The following KLHDC4 variants were observed in gnomAD, a reference collection of about 807,000 sequenced individuals.
The protein encoded by KLHDC4 is kelch domain-containing protein 4.
KLHDC4 carries 90 observed loss-of-function variants against 62.4 expected under a neutral mutation model. The ratio of observed to expected loss-of-function variants is 1.44; its 90% CI spans 1.22 to 1.72. KLHDC4 has a LOEUF of 1.72. Ranked by LOEUF, KLHDC4 falls within the 40% of genes most tolerant of loss-of-function variation. The probability of loss-of-function intolerance (pLI) is 0.00; values close to 1 mark genes in which losing one functional copy is unlikely to be tolerated. For missense variants in KLHDC4, 1,025 were observed against 699.7 expected (o/e 1.47, Z -5.25); for synonymous variants, 386 against 284.4 (o/e 1.36, Z -3.59).
intron 7 of KLHDC4, among the ~76,000 whole-genome samples, chr16:87,723,254 A>C (rs909138973): frequency 2.6e-5 from 4 of 152,224 alleles, no homozygotes; most frequent in Non-Finnish European, 5.9e-5. Context: ...AATTCTGATA[A>C]ATCTCTCATG....
intron 5 of KLHDC4, among the ~76,000 whole-genome samples, chr16:87,737,465 G>A (rs79495687): frequency 0.036 from 5,493 of 152,132 alleles, 332 homozygotes; most frequent in African/African-American, 0.13. Flanking sequence ...GTGCGCACCT[G>A]TAATCCCAGC....
intron 2 of KLHDC4, among the ~76,000 whole-genome samples, chr16:87,757,704 A>T (rs932762746): frequency 1.3e-4 from 20 of 151,792 alleles, no homozygotes; most frequent in Admixed American, 1.3e-4. Flanking sequence ...AGCCTGGCAA[A>T]CACGGTGAAA....
At chr16:87,755,158 A>C (rs376746350) in intron 4 of KLHDC4, 36 bp downstream of exon 4, 14 of 1,382,962 alleles carry the variant, frequency 1.0e-5, no homozygotes, top group African/African-American at 2.8e-5. Context: ...CCACGTGGGA[A>C]GAGGGAGGGT....
At chr16:87,699,395 G>GTAGAAAA (rs2034037313) in exon 1 of KLHDC4, 1 of 152,276 alleles carries the variant, frequency 6.6e-6, no homozygotes, top group Non-Finnish European at 1.5e-5. Context: ...CAGTGGTGAT[G>GTAGAAAA]TAGAAAAGCA....
At chr16:87,709,883 G>A in intron 9 of KLHDC4, 1 of 600,244 alleles carries the variant, frequency 1.7e-6, no homozygotes, top group East Asian at 2.8e-5. Flanking sequence ...TCACTCCTGG[G>A]CTGGGGCAGA....
chr16:87,720,485 C>A (rs781301116), intron 7 of KLHDC4, among the ~76,000 whole-genome samples: 1 of 152,180 alleles, frequency 6.6e-6, no homozygotes, highest in Non-Finnish European at 1.5e-5. Flanking sequence ...AAGCAGCGAC[C>A]GCACGCACCG....
At chr16:87,743,315 A>C (rs919486347) in intron 5 of KLHDC4, among the ~76,000 whole-genome samples, 6 of 152,100 alleles carry the variant, frequency 3.9e-5, no homozygotes, top group Admixed American at 3.3e-4. Context: ...GGCTGGTCTC[A>C]AACTCCTGGG....
intron 8 of KLHDC4, among the ~76,000 whole-genome samples, chr16:87,713,452 C>A (rs2036290115): frequency 1.3e-5 from 2 of 152,186 alleles, no homozygotes; most frequent in East Asian, 3.8e-4. Context: ...CCCACCTCAG[C>A]CTCCCAAAGT....
intron 9 of KLHDC4, 35 bp downstream of exon 9, chr16:87,711,200 G>GCA (rs1567658497): frequency 2.5e-6 from 4 of 1,607,228 alleles, no homozygotes; most frequent in Non-Finnish European, 3.4e-6. Context: ...TTAGGGCTGC[G>GCA]CACCACGGCG....
At chr16:87,745,641 G>T (rs570770611) in intron 5 of KLHDC4, among the ~76,000 whole-genome samples, 7 of 152,226 alleles carry the variant, frequency 4.6e-5, no homozygotes, top group African/African-American at 1.7e-4. Flanking sequence ...AACTGTCACC[G>T]CAAGAGAAGC....
In KLHDC4 at chr16:87,708,450, C is replaced by T; in HGVS notation, c.1464G>A (p.Leu488=). The T allele has an allele frequency of 6.2e-7, 1 of 1,607,060 alleles. No individual in the cohort carries two copies. The highest frequency in any genetic ancestry group is 1.1e-5 in the South Asian group (1 of 90,710). ...TGTCCTCTTCCGAGTCCGTCTCCTCCAGCCACTCCTGAGTTTCTTCAAAAG... is the reference window on the plus strand; with the variant it reads ...TGTCCTCTTCCGAGTCCGTCTCCTCTAGCCACTCCTGAGTTTCTTCAAAAG... ...VEMDPETQEW[L]EETDSEEDSE... is the part of the protein sequence containing the mutation. Residue 488 remains leucine (L), a synonymous_variant, in exon 11 of 12, where the codon CTG becomes CTA. Coordinates refer to ENST00000270583, the MANE Select transcript of KLHDC4 (RefSeq NM_017566.4).
At chr16:87,730,786 A>G in intron 5 of KLHDC4, 142 bp from the exon 6 acceptor site, 1 of 683,140 alleles carries the variant, frequency 1.5e-6, no homozygotes, top group South Asian at 1.7e-5. Flanking sequence ...ATACCATTTA[A>G]TCTGATCTAT....
chr16:87,716,467 C>A (rs1184202493), intron 7 of KLHDC4, among the ~76,000 whole-genome samples: 3 of 152,194 alleles, frequency 2.0e-5, no homozygotes, highest in Non-Finnish European at 2.9e-5. Flanking sequence ...TTTACAGCTA[C>A]TCTTGGGTCC....
chr16:87,755,079 T>C (rs1835710260), intron 4 of KLHDC4, 115 bp downstream of exon 4: 4 of 657,384 alleles, frequency 6.1e-6, no homozygotes, highest in Admixed American at 5.4e-5. Flanking sequence ...AACCAGGCGA[T>C]CTACAGGGCC....
At chr16:87,762,063 C>G in intron 1 of KLHDC4, 23 bp from the exon 2 acceptor site, 2 of 1,610,746 alleles carry the variant, frequency 1.2e-6, no homozygotes, top group Non-Finnish European at 1.7e-6. Flanking sequence ...AGCAGGCACA[C>G]GTGAGACTTA....
rs771049602 is a variant in KLHDC4 at position 87,708,002 on chromosome 16, G to C, written c.*75C>G. ...GTCAGGACGCACGCTGGCCCCAAGAGCTTCACTCAACACGGCTGGGTCCTG... is the reference window on the plus strand; with the variant it reads ...GTCAGGACGCACGCTGGCCCCAAGACCTTCACTCAACACGGCTGGGTCCTG... On this transcript the variant is annotated 3_prime_UTR_variant, in exon 12 of 12. Transcript: ENST00000270583. 6.1e-6 allele frequency: 3 copies of C among 488,950 alleles called. No individual in the cohort carries two copies. The highest frequency in any genetic ancestry group is 8.0e-6 in the Non-Finnish European group (2 of 248,578). 30.3% of individuals were successfully genotyped at this position (488,950 alleles called of 1,614,324 possible).
chr16:87,747,386 A>C (rs2043196609), intron 5 of KLHDC4, among the ~76,000 whole-genome samples: 1 of 152,246 alleles, frequency 6.6e-6, no homozygotes, highest in Non-Finnish European at 1.5e-5. Context: ...AAAAGGAATA[A>C]AGCAAAAGGA....
rs922643054 is a variant in KLHDC4, at chr16:87,711,358, G to C, written c.921C>G (p.His307Gln). 1.9e-6 allele frequency: 3 copies of C among 1,613,918 alleles called. No individual in the cohort carries two copies. Among genetic ancestry groups the C allele is most frequent in the African/African-American group, 1.3e-5 (1 of 75,066 alleles). ...AGACACCCCCGAAGAACAGTGTCTGGTGATTCGGGGCCATGGCCACGGAAA... is the reference window on the plus strand; with the variant it reads ...AGACACCCCCGAAGAACAGTGTCTGCTGATTCGGGGCCATGGCCACGGAAA... ...SGFSVAMAPN[H>Q]QTLFFGGVCD... The change falls in exon 9 of 12, where the codon CAC (histidine) becomes CAG (glutamine). Residue 307 changes from histidine to glutamine, a missense_variant. Coordinates refer to ENST00000270583, the MANE Select transcript of KLHDC4 (RefSeq NM_017566.4).
intron 4 of KLHDC4, among the ~76,000 whole-genome samples, chr16:87,753,078 G>A (rs980698554): frequency 5.3e-5 from 8 of 152,198 alleles, no homozygotes; most frequent in Admixed American, 1.3e-4. Flanking sequence ...AGGTGGTCTT[G>A]CATAGCTGAG....
Sources: gnomAD v4.1 joint callset for allele counts (sites outside exome capture counted in the v4.1 genomes callset) on GRCh38, gnomAD v4.1.1 for gene constraint, MANE v1.5 for transcripts, NCBI Gene and HGNC (gene_info 2026-07-23, HGNC 2026-07-21) for gene names.